Variants in PTPRE observed in about 807,000 individuals in gnomAD.
PTPRE encodes the protein receptor-type tyrosine-protein phosphatase epsilon.
Under a neutral mutation model 102.0 loss-of-function variants are expected in PTPRE, and 51 were observed. The observed-to-expected ratio is 0.50, with a 90% CI of 0.40 to 0.63. PTPRE has a LOEUF of 0.63. Among genes scored for constraint, PTPRE ranks in the 30% least tolerant of loss-of-function variants. The pLI is 0.00. For synonymous variants in PTPRE, 345 were observed against 348.2 expected (o/e 0.99, Z 0.10); for missense variants, 752 against 915.1 (o/e 0.82, Z 2.30).
intron 1 of PTPRE, chr10:127,934,274 T>C (rs1847665773): frequency 6.6e-6 from 1 of 152,186 alleles, no homozygotes; most frequent in African/African-American, 2.4e-5. Context: ...TTGTATTGCT[T>C]CACCGTTGAG....
At chr10:128,045,247 C>T (rs1163136701) in intron 3 of PTPRE, among the ~76,000 whole-genome samples, 1 of 152,244 alleles carries the variant, frequency 6.6e-6, no homozygotes, top group Non-Finnish European at 1.5e-5. Flanking sequence ...GTGGTTCAGC[C>T]CCGTCTTCTA....
intron 2 of PTPRE, among the ~76,000 whole-genome samples, chr10:128,018,253 G>A (rs1234297717): frequency 6.6e-6 from 1 of 152,148 alleles, no homozygotes; most frequent in African/African-American, 2.4e-5. Flanking sequence ...AAATCGCACG[G>A]CACATTCCTT....
chr10:128,080,116 C>T (rs776463879), intron 20 of PTPRE, among the ~76,000 whole-genome samples: 4 of 152,160 alleles, frequency 2.6e-5, no homozygotes, highest in Non-Finnish European at 5.9e-5. Context: ...GCTTGTTTTC[C>T]CTGGCGGGGT....
rs1272124167 is a variant in PTPRE at position 127,955,632 on chromosome 10, G to A, written c.-30-26642G>A. Among the ~76,000 whole-genome samples the A allele has an allele frequency of 2.6e-5, 4 of 152,166 alleles. No homozygotes were observed. The East Asian group carries it at 7.7e-4, about 29-fold the overall frequency. The stretch of plus-strand genomic sequence containing the variant: ...TTGTATCATAGTATTTAAGTCATGA[G>A]ATATAAGGAGAAGAGTAAACATCAT... On this transcript the variant is annotated intron_variant, in intron 1 of 20. Transcript: ENST00000254667.
At chr10:128,057,332 C>T (rs1216032856) in intron 7 of PTPRE, among the ~76,000 whole-genome samples, 2 of 152,316 alleles carry the variant, frequency 1.3e-5, no homozygotes, top group South Asian at 4.1e-4. Flanking sequence ...AAATGGCATC[C>T]TCAAAGGGCT....
intron 1 of PTPRE, among the ~76,000 whole-genome samples, chr10:127,981,515 A>T (rs1231736260): frequency 1.3e-5 from 2 of 152,180 alleles, no homozygotes; most frequent in Non-Finnish European, 2.9e-5. Context: ...ATAAAATAAC[A>T]TGAGAGCTAA....
At chr10:128,056,036 A>G (rs1848934701) in intron 6 of PTPRE, 87 bp from the exon 7 acceptor site, 1 of 1,098,514 alleles carries the variant, frequency 9.1e-7, no homozygotes, top group Non-Finnish European at 1.4e-6. Flanking sequence ...ACGTGTTTTC[A>G]TTAATTCCTG....
At chr10:128,067,182 T>TCACACGTGCA (rs1564955545) in intron 11 of PTPRE, among the ~76,000 whole-genome samples, 3 of 117,076 alleles carry the variant, frequency 2.6e-5, no homozygotes, top group African/African-American at 6.7e-5. Context: ...ATGCACACAT[T>TCACACGTGCA]CACACATGTG....
intron 15 of PTPRE, 126 bp downstream of exon 15, chr10:128,071,027 C>G: frequency 1.1e-6 from 1 of 923,002 alleles, no homozygotes; most frequent in South Asian, 1.6e-5. Context: ...GTCCTCTGGC[C>G]TCAGGCTAAG....
intron 2 of PTPRE, among the ~76,000 whole-genome samples, chr10:127,983,450 AATC>A (rs2135471671): frequency 6.6e-6 from 1 of 152,248 alleles, no homozygotes; most frequent in South Asian, 2.1e-4. Context: ...TCGTTACTGG[AATC>A]ATATTATGGG....
In PTPRE at chr10:128,028,678, T is replaced by C. The variant is rs911142778; in HGVS notation, c.-7-12197T>C. Among the ~76,000 whole-genome samples, 5 of 151,990 alleles carry C rather than the reference T, an allele frequency of 3.3e-5. No individual in the cohort carries two copies. Among genetic ancestry groups the C allele is most frequent in the African/African-American group, 1.2e-4 (5 of 41,396 alleles). ...GCAGCCCGCCGGGGCCCAGGGTTCC[T>C]TGGTCTTGGGTTCTGATGCCTTCAT... On this transcript the variant is annotated intron_variant, in intron 2 of 20. Transcript: ENST00000254667. This position sits in a 1 kb window ranked among gnomAD's most constrained non-coding sequence, Gnocchi z 4.5.
chr10:128,050,461 G>A (rs1564929495), intron 6 of PTPRE, among the ~76,000 whole-genome samples: 1 of 150,946 alleles, frequency 6.6e-6, no homozygotes, highest in Non-Finnish European at 1.5e-5. Context: ...GGATGAGTGG[G>A]AGGGCAGATG....
rs1851977526 is a variant in PTPRE, at chr10:128,084,746, G to A, written c.*1840G>A. Reference sequence around the variant, plus strand: ...TTTGACTGAAGGAGAAGAGAGGGAAGTAAGCTTCTGTTCAGCACCTGAACC... The same window carrying A: ...TTTGACTGAAGGAGAAGAGAGGGAAATAAGCTTCTGTTCAGCACCTGAACC... On this transcript the variant is annotated 3_prime_UTR_variant, in exon 21 of 21. Coordinates refer to ENST00000254667, the MANE Select transcript of PTPRE (RefSeq NM_006504.6). 1 of 153,772 alleles carries A rather than the reference G, an allele frequency of 6.5e-6. No homozygotes were observed. Among genetic ancestry groups the A allele is most frequent in the African/African-American group, 2.4e-5 (1 of 41,482 alleles). The allele number at this position is 153,772 out of a possible 1,614,324, so 9.5% of individuals were successfully genotyped here. A position where few individuals can be genotyped will look rare whatever the true frequency, so the allele number is the denominator to read the frequency against.
intron 1 of PTPRE, among the ~76,000 whole-genome samples, chr10:127,909,480 G>A (rs1170277727): frequency 6.6e-6 from 1 of 152,044 alleles, no homozygotes; most frequent in Non-Finnish European, 1.5e-5. Flanking sequence ...TTCTAGGCCC[G>A]GCCACTCCTC....
intron 17 of PTPRE, 29 bp downstream of exon 17, chr10:128,073,500 C>T: frequency 6.3e-7 from 1 of 1,598,970 alleles, no homozygotes; most frequent in South Asian, 1.1e-5. Context: ...CCCGGTCCCT[C>T]CAGGGCAGCC....
intron 2 of PTPRE, among the ~76,000 whole-genome samples, chr10:128,013,595 C>T (rs1252819725): frequency 6.6e-6 from 1 of 152,134 alleles, no homozygotes; most frequent in Non-Finnish European, 1.5e-5. Context: ...CACCAATGTG[C>T]TGGGTTGAGG....
chr10:128,011,263 G>A (rs773576912), intron 2 of PTPRE, among the ~76,000 whole-genome samples: 14 of 152,228 alleles, frequency 9.2e-5, no homozygotes, highest in Non-Finnish European at 1.8e-4. Context: ...TGGGAATTCA[G>A]ATGAATCTTA....
At chr10:127,979,348 A>G (rs1851433118) in intron 1 of PTPRE, among the ~76,000 whole-genome samples, 1 of 152,234 alleles carries the variant, frequency 6.6e-6, no homozygotes, top group Non-Finnish European at 1.5e-5. Flanking sequence ...TCAATATTAC[A>G]GTAGCCATCA....
In PTPRE at chr10:128,008,539, TG is replaced by T. The variant is rs1194936728; in HGVS notation, c.-8+26248del. ...CTAGTAGGTCAGGGGACTCTGGAGT[TG>T]GGGGTGGTATTTCCTGGGAGACAGC... On this transcript the variant is annotated intron_variant, in intron 2 of 20. Coordinates refer to ENST00000254667, the MANE Select transcript of PTPRE (RefSeq NM_006504.6). This position sits in a 1 kb window ranked among gnomAD's most constrained non-coding sequence, Gnocchi z 4.0. 3.3e-5 allele frequency among the ~76,000 whole-genome samples: 5 copies of T among 152,092 alleles called. No homozygotes were observed. Among genetic ancestry groups the T allele is most frequent in the Non-Finnish European group, 5.9e-5 (4 of 68,004 alleles).
Sources: gnomAD v4.1 joint callset for allele counts (sites outside exome capture counted in the v4.1 genomes callset) on GRCh38, gnomAD v4.1.1 for gene constraint, Gnocchi (gnomAD v3.1) non-coding constraint, MANE v1.5 for transcripts, NCBI Gene and HGNC (gene_info 2026-07-23, HGNC 2026-07-21) for gene names.